The following NFKB1 variants were observed in gnomAD, a reference collection of about 807,000 sequenced individuals.
NFKB1 encodes the protein nuclear factor kappa B subunit 1.
Under a neutral mutation model 105.1 loss-of-function variants are expected in NFKB1, and 9 were observed. That is an observed-to-expected ratio of 0.09 (90% CI 0.05 to 0.15). The LOEUF is 0.15. Among genes scored for constraint, NFKB1 ranks in the 10% least tolerant of loss-of-function variants. The pLI is 1.00. For synonymous variants in NFKB1, 440 were observed against 442.2 expected (o/e 1.00, Z 0.06); for missense variants, 830 against 1,203.7 (o/e 0.69, Z 4.59).
chr4:102,608,073 A>G (rs1364402675), intron 19 of NFKB1, among the ~76,000 whole-genome samples: 1 of 152,234 alleles, frequency 6.6e-6, no homozygotes, highest in Non-Finnish European at 1.5e-5. Flanking sequence ...TCTGAGTGGT[A>G]TTAGTCTCAG....
intron 5 of NFKB1, among the ~76,000 whole-genome samples, chr4:102,550,594 C>G (rs1722497909): frequency 1.3e-5 from 2 of 152,134 alleles, no homozygotes; most frequent in South Asian, 4.1e-4. Context: ...TAGCAGCATG[C>G]TTACTCATTT....
At chr4:102,548,119 A>G (rs1246673697) in intron 5 of NFKB1, among the ~76,000 whole-genome samples, 1 of 151,978 alleles carries the variant, frequency 6.6e-6, no homozygotes, top group East Asian at 1.9e-4. Context: ...GCCACACACC[A>G]AGATCAGGGA....
At chr4:102,517,034 C>T (rs1048999979) in intron 1 of NFKB1, among the ~76,000 whole-genome samples, 1 of 152,150 alleles carries the variant, frequency 6.6e-6, no homozygotes, top group Non-Finnish European at 1.5e-5. Flanking sequence ...TCTTAGATGC[C>T]CAGAAACTGT....
intron 6 of NFKB1, among the ~76,000 whole-genome samples, chr4:102,573,731 C>CT (rs931472913): frequency 6.6e-6 from 1 of 151,676 alleles, no homozygotes; most frequent in Non-Finnish European, 1.5e-5. Context: ...TTTAAAAAAT[C>CT]TTTTTTTTCT....
chr4:102,601,669 C>G (rs1030755734), intron 16 of NFKB1, among the ~76,000 whole-genome samples: 2 of 152,200 alleles, frequency 1.3e-5, no homozygotes, highest in African/African-American at 4.8e-5. Flanking sequence ...CAGCGAGGCC[C>G]TTTGATGGGC....
chr4:102,552,885 G>A lies in NFKB1; in HGVS notation c.259-14102G>A, dbSNP rs114748378. On this transcript the variant is annotated intron_variant, in intron 5 of 23. Coordinates refer to ENST00000226574, the MANE Select transcript of NFKB1 (RefSeq NM_003998.4). ...CCTACTTTTGTTTACATCATAGTAC[G>A]TAGATGGTACAATATTTTGGTTAAC... Among the ~76,000 whole-genome samples the A allele has an allele frequency of 3.5e-3, 530 of 152,084 alleles. 4 individuals are homozygous for A. Among genetic ancestry groups the A allele is most frequent in the African/African-American group, 0.012 (517 of 41,474 alleles).
At chr4:102,518,378 T>C (rs1451388106) in intron 1 of NFKB1, among the ~76,000 whole-genome samples, 1 of 152,160 alleles carries the variant, frequency 6.6e-6, no homozygotes, top group African/African-American at 2.4e-5. Flanking sequence ...TTTTGTTCAG[T>C]TGGGAATTGA....
intron 2 of NFKB1, among the ~76,000 whole-genome samples, chr4:102,529,372 GAC>G (rs1277193369): frequency 6.6e-6 from 1 of 152,196 alleles, no homozygotes; most frequent in African/African-American, 2.4e-5. Context: ...TTCAGGCCTT[GAC>G]ATTGGATAGC....
intron 20 of NFKB1, among the ~76,000 whole-genome samples, chr4:102,610,997 TAATTGTGACCATCTC>T (rs1311391641): frequency 6.6e-6 from 1 of 152,212 alleles, no homozygotes; most frequent in Admixed American, 6.5e-5. Context: ...ATTCACACCA[TAATTGTGACCATCTC>T]AATTTCTGAA....
At chr4:102,506,171 T>C (rs766561114) in intron 1 of NFKB1, among the ~76,000 whole-genome samples, 1 of 152,160 alleles carries the variant, frequency 6.6e-6, no homozygotes, top group Non-Finnish European at 1.5e-5. Context: ...ATTGGAATGA[T>C]AAAAGGTGCT....
rs935023907 is a variant in NFKB1, at chr4:102,538,609, A to T, written c.258+653A>T. On this transcript the variant is annotated intron_variant, in intron 5 of 23. Coordinates refer to ENST00000226574, the MANE Select transcript of NFKB1 (RefSeq NM_003998.4). Reference sequence around the variant, plus strand: ...TGACATGCTGGTGGTGTATTTGGTCATACCTTTTACCATGTTCAGGCTGTT... The same window carrying T: ...TGACATGCTGGTGGTGTATTTGGTCTTACCTTTTACCATGTTCAGGCTGTT... 2.6e-4 allele frequency among the ~76,000 whole-genome samples: 40 copies of T among 152,268 alleles called. 1 individual carries two copies. Among genetic ancestry groups the T allele is most frequent in the African/African-American group, 9.4e-4 (39 of 41,556 alleles).
intron 15 of NFKB1, among the ~76,000 whole-genome samples, chr4:102,599,044 G>A (rs1163196727): frequency 6.6e-6 from 1 of 152,058 alleles, no homozygotes; most frequent in African/African-American, 2.4e-5. Flanking sequence ...TAAATCCTGT[G>A]GCCATTAGTC....
At chr4:102,516,025 C>G (rs1349879134) in intron 1 of NFKB1, among the ~76,000 whole-genome samples, 4 of 151,472 alleles carry the variant, frequency 2.6e-5, no homozygotes, top group African/African-American at 9.7e-5. Context: ...CTGGACCAAT[C>G]TTTTTTTTTC....
chr4:102,515,320 C>T (rs1053897898), intron 1 of NFKB1, among the ~76,000 whole-genome samples: 6 of 150,896 alleles, frequency 4.0e-5, no homozygotes, highest in Admixed American at 2.0e-4. Context: ...CCGTTTTAGC[C>T]GGGATGGTCT....
At chr4:102,607,526 G>T in intron 18 of NFKB1, 123 bp from the exon 19 acceptor site, 2 of 1,195,498 alleles carry the variant, frequency 1.7e-6, no homozygotes, top group Non-Finnish European at 2.5e-6. Context: ...TTCAATGACA[G>T]AGCCAGCCCA....
chr4:102,607,205 G>T lies in NFKB1; in HGVS notation c.2010G>T (p.Leu670=). The T allele has an allele frequency of 6.2e-7, 1 of 1,614,150 alleles. No individual in the cohort carries two copies. The highest frequency in any genetic ancestry group is 1.3e-5 in the African/African-American group (1 of 75,024). ...GCAATAGCCTGCCATGTTTGCTGCT[G>T]CTGGTGGCCGCTGGGGCTGACGTCA... The part of the protein sequence containing the change: ...MMSNSLPCLL[L]LVAAGADVNA... Residue 670 remains leucine, a synonymous_variant, in exon 18 of 24, where the codon CTG becomes CTT. Coordinates refer to ENST00000226574, the MANE Select transcript of NFKB1 (RefSeq NM_003998.4).
intron 16 of NFKB1, among the ~76,000 whole-genome samples, chr4:102,604,353 A>G (rs1727492085): frequency 6.6e-6 from 1 of 152,144 alleles, no homozygotes; most frequent in South Asian, 2.1e-4. Context: ...AAGTCCTAGT[A>G]TTTACTGCAA....
At chr4:102,513,838 C>T (rs959831158) in intron 1 of NFKB1, among the ~76,000 whole-genome samples, 5 of 151,994 alleles carry the variant, frequency 3.3e-5, no homozygotes, top group African/African-American at 9.7e-5. Flanking sequence ...TGGCTCGGGA[C>T]GTGGTCTATC....
At chr4:102,532,456 G>T (rs1488064631) in intron 3 of NFKB1, among the ~76,000 whole-genome samples, 2 of 151,992 alleles carry the variant, frequency 1.3e-5, no homozygotes, top group Admixed American at 1.3e-4. Context: ...GTGAAACCCC[G>T]TCTCTACTAA....
Sources: gnomAD v4.1 joint callset for allele counts (sites outside exome capture counted in the v4.1 genomes callset) on GRCh38, gnomAD v4.1.1 for gene constraint, MANE v1.5 for transcripts, NCBI Gene and HGNC (gene_info 2026-07-23, HGNC 2026-07-21) for gene names.